The following TTC7B variants were observed in gnomAD, a reference collection of about 807,000 sequenced individuals.
TTC7B encodes the protein tetratricopeptide repeat protein 7B.
Under a neutral mutation model 106.8 loss-of-function variants are expected in TTC7B, and 28 were observed. The observed-to-expected ratio is 0.26, with a 90% CI of 0.19 to 0.36. TTC7B has a LOEUF of 0.36. Among genes scored for constraint, TTC7B ranks in the 10% least tolerant of loss-of-function variants. The pLI, the probability that TTC7B is intolerant of heterozygous loss-of-function variation, is 1.00. For synonymous variants in TTC7B, 405 were observed against 430.6 expected, an observed-to-expected ratio of 0.94 and a Z score of 0.74; for missense variants, 862 against 1,076.4, an observed-to-expected ratio of 0.80 and a Z score of 2.79.
At chr14:90,717,066 G>A (rs1369677214) in intron 5 of TTC7B, among the ~76,000 whole-genome samples, 1 of 152,172 alleles carries the variant, frequency 6.6e-6, no homozygotes, top group African/African-American at 2.4e-5. Flanking sequence ...CCAGCCAGGC[G>A]TGGTGACTCA....
At chr14:90,561,327 T>C (rs1278677914) in intron 19 of TTC7B, among the ~76,000 whole-genome samples, 6 of 152,202 alleles carry the variant, frequency 3.9e-5, no homozygotes, top group African/African-American at 1.2e-4. Context: ...CCAGGCATAC[T>C]GTACATGTGT....
chr14:90,601,468 G>T (rs1036436889), intron 17 of TTC7B, among the ~76,000 whole-genome samples: 1 of 152,154 alleles, frequency 6.6e-6, no homozygotes, highest in African/African-American at 2.4e-5. Context: ...CTTCATTAAC[G>T]TGTTTACTCT....
intron 17 of TTC7B, among the ~76,000 whole-genome samples, chr14:90,597,115 T>C (rs1892238169): frequency 6.6e-6 from 1 of 152,246 alleles, no homozygotes; most frequent in Admixed American, 6.5e-5. Context: ...AATAATGTTT[T>C]TCTTCCTAGT....
chr14:90,559,833 C>T (rs758374665), intron 19 of TTC7B, among the ~76,000 whole-genome samples: 2 of 152,266 alleles, frequency 1.3e-5, no homozygotes, highest in African/African-American at 4.8e-5. Context: ...TTAAATCACA[C>T]GGCCACATGG....
rs1379573255 is a variant in TTC7B, at chr14:90,530,311, A to C, written c.*11057T>G. ...TACTCATGGGAGAATGCTGCAAGACAACAGGCCAAAATGCTGAGAAGGTGA... is the reference window on the plus strand; with the variant it reads ...TACTCATGGGAGAATGCTGCAAGACCACAGGCCAAAATGCTGAGAAGGTGA... On this transcript the variant is annotated 3_prime_UTR_variant, in exon 20 of 20. Transcript: ENST00000328459. 6.6e-6 allele frequency: 1 copy of C among 152,210 alleles called. No individual in the cohort carries two copies. The highest frequency in any genetic ancestry group is 1.5e-5 in the Non-Finnish European group (1 of 68,042). The allele number at this position is 152,210 out of a possible 1,614,324, so 9.4% of individuals were successfully genotyped here.
In TTC7B at chr14:90,578,088, C is replaced by T. The variant is rs1199555029; in HGVS notation, c.2310+18G>A. 2 of 1,594,732 alleles carry T rather than the reference C, an allele frequency of 1.3e-6. No individual in the cohort carries two copies. The highest frequency in any genetic ancestry group is 1.7e-6 in the Non-Finnish European group (2 of 1,170,522). ...CCCCATGCCAGAGTAGGGGCCACCG[C>T]CGGGCTCGTGGACTCACCAGTCGCT... On this transcript the variant is annotated intron_variant, in intron 19 of 19. Transcript: ENST00000328459. The surrounding 1 kb of genome is among the most constrained non-coding windows in gnomAD (Gnocchi z 4.7).
intron 15 of TTC7B, among the ~76,000 whole-genome samples, chr14:90,629,969 G>A (rs1196595811): frequency 6.6e-6 from 1 of 152,170 alleles, no homozygotes; most frequent in Admixed American, 6.5e-5. Flanking sequence ...GATTTAAACT[G>A]GGGGACACCA....
chr14:90,639,233 T>A (rs1004525663), intron 15 of TTC7B, among the ~76,000 whole-genome samples: 6 of 152,174 alleles, frequency 3.9e-5, no homozygotes, highest in African/African-American at 1.4e-4. Context: ...GAACTTCTGT[T>A]TATCAAAAGA....
intron 3 of TTC7B, among the ~76,000 whole-genome samples, chr14:90,756,791 A>G (rs1890315905): frequency 6.6e-6 from 1 of 152,194 alleles, no homozygotes. Context: ...AACCTGAACT[A>G]AAGCTCCAGC....
In TTC7B at chr14:90,816,261, G is replaced by A; in HGVS notation, c.35C>T (p.Thr12Met). 8.0e-7 allele frequency: 1 copy of A among 1,242,748 alleles called. No homozygotes were observed. The highest frequency in any genetic ancestry group is 1.0e-6 in the Non-Finnish European group (1 of 961,990). 77.0% of individuals were successfully genotyped at this position (1,242,748 alleles called of 1,614,324 possible). A position where few individuals can be genotyped will look rare whatever the true frequency, so the allele number is the denominator to read the frequency against. ...CTCGGAGCGGCAGCGCTCGATCTCC[G>A]TCTCCAGCCGCGAGCCTGCCTTCTT... ...ATKKAGSRLE[T>M]EIERCRSECQ... The change falls in exon 1 of 20, where the codon ACG becomes ATG. Residue 12 changes from threonine to methionine, a missense_variant. Physicochemically the swap from Thr to Met is moderately conservative, Grantham distance 81. Coordinates refer to ENST00000328459, the MANE Select transcript of TTC7B (RefSeq NM_001010854.2).
intron 19 of TTC7B, among the ~76,000 whole-genome samples, chr14:90,558,352 G>C (rs571413290): frequency 6.6e-6 from 1 of 152,382 alleles, no homozygotes; most frequent in East Asian, 1.9e-4. Context: ...CAACACACAG[G>C]GGGCTGAGAG....
At chr14:90,736,436 G>T (rs1410039713) in intron 4 of TTC7B, among the ~76,000 whole-genome samples, 9 of 152,092 alleles carry the variant, frequency 5.9e-5, no homozygotes, top group Non-Finnish European at 1.3e-4. Context: ...ACTGGGCGTA[G>T]TGGTGGGCAC....
rs1342361744 is a variant in TTC7B at position 90,600,382 on chromosome 14, T to C, written c.1967-6756A>G. Among the ~76,000 whole-genome samples the C allele has an allele frequency of 1.3e-5, 2 of 152,158 alleles. No individual in the cohort carries two copies. The highest frequency in any genetic ancestry group is 4.8e-5 in the African/African-American group (2 of 41,426). On this transcript the variant is annotated intron_variant, in intron 17 of 19. Transcript: ENST00000328459. This position sits in a 1 kb window ranked among gnomAD's most constrained non-coding sequence, Gnocchi z 4.3. ...CCCTCGCGCCTTGTGTCCCCCAGTG[T>C]GACAGCAGGGGCGGGGCCGCTGCCC... is the stretch of plus-strand genomic sequence containing the variant.
intron 5 of TTC7B, among the ~76,000 whole-genome samples, chr14:90,716,472 C>T (rs1215854208): frequency 6.6e-6 from 1 of 152,194 alleles, no homozygotes; most frequent in Non-Finnish European, 1.5e-5. Context: ...AATCTTTGTC[C>T]ATTGACATCC....
chr14:90,740,108 G>A (rs1489168455), intron 4 of TTC7B, among the ~76,000 whole-genome samples: 1 of 152,184 alleles, frequency 6.6e-6, no homozygotes, highest in African/African-American at 2.4e-5. Context: ...AGGTGTCCCT[G>A]TGACTCTGAT....
At chr14:90,566,542 G>GA (rs1022003780) in intron 19 of TTC7B, among the ~76,000 whole-genome samples, 9 of 151,616 alleles carry the variant, frequency 5.9e-5, no homozygotes, top group Admixed American at 3.9e-4. Flanking sequence ...CTCAAAAAAA[G>GA]AAAAAAAAGA....
intron 15 of TTC7B, among the ~76,000 whole-genome samples, chr14:90,620,428 C>T (rs902858318): frequency 6.6e-6 from 1 of 152,164 alleles, no homozygotes; most frequent in Non-Finnish European, 1.5e-5. Flanking sequence ...GATGGGAGTA[C>T]TTTTCCACCA....
chr14:90,713,329 T>G (rs552122383), intron 5 of TTC7B, among the ~76,000 whole-genome samples: 1 of 152,184 alleles, frequency 6.6e-6, no homozygotes, highest in East Asian at 1.9e-4. Context: ...TTGGCCAGGC[T>G]GGTCTTAAAC....
intron 7 of TTC7B, among the ~76,000 whole-genome samples, chr14:90,681,501 G>A (rs1887047737): frequency 1.4e-5 from 2 of 144,404 alleles, no homozygotes; most frequent in African/African-American, 2.5e-5. Context: ...AAAAAAAAAA[G>A]GATTTCCACA....
Sources: allele counts gnomAD v4.1 joint callset (sites outside exome capture counted in the v4.1 genomes callset), GRCh38; gene constraint gnomAD v4.1.1; non-coding constraint Gnocchi (gnomAD v3.1); transcripts MANE v1.5; gene names NCBI Gene and HGNC (gene_info 2026-07-23, HGNC 2026-07-21).